The following B3GALT1 variants were observed in gnomAD, a reference collection of about 807,000 sequenced individuals.
B3GALT1 encodes the protein UDP-Gal:betaGlcNAc beta 1,3-galactosyltransferase, polypeptide 1.
Under a neutral mutation model 23.2 loss-of-function variants are expected in B3GALT1, and 10 were observed. The observed-to-expected ratio is 0.43, with a 90% confidence interval of 0.27 to 0.73. The LOEUF is 0.73. Among genes scored for constraint, B3GALT1 ranks in the 30% least tolerant of loss-of-function variants. The probability of loss-of-function intolerance (pLI) is 0.21; values close to 1 mark genes in which losing one functional copy is unlikely to be tolerated. For synonymous variants in B3GALT1, 156 were observed against 141.5 expected, an observed-to-expected ratio of 1.10 and a Z score of -0.73; for missense variants, 299 against 405.4, an observed-to-expected ratio of 0.74 and a Z score of 2.25.
intron 4 of B3GALT1, among the ~76,000 whole-genome samples, chr2:167,819,331 G>A (rs1348800074): frequency 1.3e-5 from 2 of 152,144 alleles, no homozygotes; most frequent in African/African-American, 4.8e-5. Flanking sequence ...TACTTCAGTT[G>A]AAAATAATAG....
intron 3 of B3GALT1, among the ~76,000 whole-genome samples, chr2:167,669,510 T>A (rs78515057): frequency 0.018 from 2,673 of 152,294 alleles, 82 homozygotes; most frequent in African/African-American, 0.061. Context: ...ATGTGGAATT[T>A]ATTGAATGGT....
intron 1 of B3GALT1, among the ~76,000 whole-genome samples, chr2:167,479,453 A>G (rs910081532): frequency 6.6e-6 from 1 of 152,220 alleles, no homozygotes; most frequent in African/African-American, 2.4e-5. Flanking sequence ...GTGAACTGAT[A>G]TATGTTTGTG....
chr2:167,465,350 C>T (rs1484686613), intron 1 of B3GALT1, among the ~76,000 whole-genome samples: 1 of 152,132 alleles, frequency 6.6e-6, no homozygotes, highest in African/African-American at 2.4e-5. Flanking sequence ...ACTGCTATAA[C>T]AAAAATACCT....
At chr2:167,827,984 G>T (rs1689264889) in intron 4 of B3GALT1, among the ~76,000 whole-genome samples, 1 of 152,158 alleles carries the variant, frequency 6.6e-6, no homozygotes, top group African/African-American at 2.4e-5. Flanking sequence ...CCCTCTTAGG[G>T]TAGGTTGCTC....
chr2:167,391,086 G>A (rs1698010016), intron 1 of B3GALT1, among the ~76,000 whole-genome samples: 1 of 152,216 alleles, frequency 6.6e-6, no homozygotes, highest in Middle Eastern at 3.2e-3. Flanking sequence ...TGGAAAGTAT[G>A]TGAAGGATTC....
intron 2 of B3GALT1, among the ~76,000 whole-genome samples, chr2:167,612,610 T>A (rs1023662764): frequency 5.9e-5 from 9 of 151,866 alleles, no homozygotes; most frequent in African/African-American, 2.2e-4. Context: ...AATTCCAACA[T>A]TTTTTTATTT....
At chr2:167,653,007 A>C (rs1402855396) in intron 3 of B3GALT1, among the ~76,000 whole-genome samples, 1 of 152,140 alleles carries the variant, frequency 6.6e-6, no homozygotes, top group Non-Finnish European at 1.5e-5. Context: ...CACCTCACCT[A>C]TTAATACCTG....
intron 3 of B3GALT1, among the ~76,000 whole-genome samples, chr2:167,812,432 G>GAA (rs998907456): frequency 7.2e-5 from 11 of 152,132 alleles, no homozygotes; most frequent in African/African-American, 2.7e-4. Flanking sequence ...CCATTGTTCT[G>GAA]TTTGCTTGTT....
At chr2:167,561,827 C>A (rs566756173) in intron 2 of B3GALT1, among the ~76,000 whole-genome samples, 27 of 152,266 alleles carry the variant, frequency 1.8e-4, no homozygotes, top group African/African-American at 5.8e-4. Context: ...GCTTACCAAC[C>A]AAGAAGAGTC....
chr2:167,726,996 A>T (rs138416416), intron 3 of B3GALT1, among the ~76,000 whole-genome samples: 1 of 152,348 alleles, frequency 6.6e-6, no homozygotes, highest in African/African-American at 2.4e-5. Flanking sequence ...GTGTAAAGCT[A>T]TGTCATGAAA....
intron 1 of B3GALT1, among the ~76,000 whole-genome samples, chr2:167,425,679 C>G (rs971750847): frequency 6.6e-6 from 1 of 152,142 alleles, no homozygotes; most frequent in African/African-American, 2.4e-5. Flanking sequence ...TCAGTGCCAG[C>G]TTTTCTCAGG....
chr2:167,756,161 C>A (rs867227763), intron 3 of B3GALT1, among the ~76,000 whole-genome samples: 1 of 152,240 alleles, frequency 6.6e-6, no homozygotes, highest in South Asian at 2.1e-4. Flanking sequence ...CTAGTCTGCC[C>A]ATTCCCACCC....
intron 2 of B3GALT1, among the ~76,000 whole-genome samples, chr2:167,519,478 T>C (rs1468681578): frequency 6.6e-6 from 1 of 152,168 alleles, no homozygotes; most frequent in Non-Finnish European, 1.5e-5. Flanking sequence ...AACATGGATT[T>C]TGGAAGTATA....
At position 167,536,251 on chromosome 2, in the gene B3GALT1, T is replaced by C. The variant is rs117406164; in HGVS notation, c.-410+45974T>C. ...TGCAGTCCATGCCAGATACACACTT[T>C]CTTAAATGTTAGCCAGAAAGAGAGA... On this transcript the variant is annotated intron_variant, in intron 2 of 4. Coordinates refer to ENST00000392690, the MANE Select transcript of B3GALT1 (RefSeq NM_020981.4). Among the ~76,000 whole-genome samples the C allele has an allele frequency of 9.9e-5, 15 of 152,020 alleles. No individual in the cohort carries two copies. The East Asian group carries it at 2.9e-3, about 30-fold the overall frequency.
intron 1 of B3GALT1, among the ~76,000 whole-genome samples, chr2:167,369,342 A>T (rs1318789222): frequency 6.6e-6 from 1 of 152,154 alleles, no homozygotes; most frequent in Non-Finnish European, 1.5e-5. Context: ...CATGATTTGA[A>T]CAGTGTGGGG....
At chr2:167,801,965 C>T (rs4667975) in intron 3 of B3GALT1, among the ~76,000 whole-genome samples, 33,439 of 152,124 alleles carry the variant, frequency 0.22, 4,508 homozygotes, top group African/African-American at 0.36. Flanking sequence ...CATGGATCAG[C>T]CAACTACAAT....
chr2:167,344,614 C>T (rs1458823025), intron 1 of B3GALT1, among the ~76,000 whole-genome samples: 1 of 151,958 alleles, frequency 6.6e-6, no homozygotes, highest in Non-Finnish European at 1.5e-5. Flanking sequence ...TCAAATAGGC[C>T]CTGATATTAA....
At chr2:167,310,840 C>T (rs1195544030) in intron 1 of B3GALT1, among the ~76,000 whole-genome samples, 2 of 152,016 alleles carry the variant, frequency 1.3e-5, no homozygotes, top group Admixed American at 1.3e-4. Context: ...TTAGACTAGA[C>T]ACTCTTCAGT....
intron 1 of B3GALT1, among the ~76,000 whole-genome samples, chr2:167,389,043 T>G (rs1697975659): frequency 6.6e-6 from 1 of 152,148 alleles, no homozygotes; most frequent in South Asian, 2.1e-4. Flanking sequence ...GAGAGACATT[T>G]CCAAGAATAT....
Sources: gnomAD v4.1 joint callset for allele counts (sites outside exome capture counted in the v4.1 genomes callset) on GRCh38, gnomAD v4.1.1 for gene constraint, MANE v1.5 for transcripts, NCBI Gene and HGNC (gene_info 2026-07-23, HGNC 2026-07-21) for gene names.